MOCS1: variants seen among roughly 807,000 people sequenced by gnomAD.
MOCS1 encodes the protein molybdenum cofactor biosynthesis protein 1.
MOCS1 carries 39 observed loss-of-function variants against 57.6 expected under a neutral mutation model. The ratio of observed to expected loss-of-function variants is 0.68; its 90% CI spans 0.52 to 0.88. The LOEUF (loss-of-function observed/expected upper bound fraction) is 0.88, where lower values mean the gene tolerates loss of function less well. Among genes scored for constraint, MOCS1 ranks in the 40% least tolerant of loss-of-function variants. The pLI, the probability that MOCS1 is intolerant of heterozygous loss-of-function variation, is 0.00. For missense variants in MOCS1, 795 were observed against 831.1 expected (o/e 0.96, Z 0.53); for synonymous variants, 334 against 335.7 (o/e 1.00, Z 0.05).
At chr6:39,924,457 C>T (rs1461620778) in intron 3 of MOCS1, among the ~76,000 whole-genome samples, 1 of 152,212 alleles carries the variant, frequency 6.6e-6, no homozygotes, top group African/African-American at 2.4e-5. Flanking sequence ...TTAAAGAAAC[C>T]AAACACACAA....
rs1269993740 is a variant in MOCS1, at chr6:39,916,050, C to T, written c.583+18G>A. The T allele has an allele frequency of 6.3e-7, 1 of 1,590,748 alleles. No homozygotes were observed. The highest frequency in any genetic ancestry group is 1.8e-5 in the Admixed American group (1 of 57,090). ...GCAGGCCCTGGGAGGGACACCCACC[C>T]CATCCACATCCGCTCACCTTTCCTG... On this transcript the variant is annotated intron_variant, in intron 4 of 10. Coordinates refer to ENST00000340692, the MANE Select transcript of MOCS1 (RefSeq NM_001358530.2).
Position 39,904,576 on chromosome 6 carries a change from T to C in MOCS1, c.*1781A>G, listed in dbSNP as rs1766700665. On this transcript the variant is annotated 3_prime_UTR_variant, in exon 11 of 11. Transcript: ENST00000340692. ...TCTCAGCAGCATTTCTCCCCTGTGA[T>C]GGAAATAAAGTGTTTAGGGCAGTGG... The C allele has an allele frequency of 4.5e-6, 2 of 440,804 alleles. No homozygotes were observed. Among genetic ancestry groups the C allele is most frequent in the African/African-American group, 2.4e-5 (1 of 42,274 alleles). 27.3% of individuals were successfully genotyped at this position (440,804 alleles called of 1,614,324 possible).
intron 1 of MOCS1, among the ~76,000 whole-genome samples, chr6:39,931,696 C>T (rs923794556): frequency 2.0e-5 from 3 of 152,118 alleles, no homozygotes; most frequent in South Asian, 2.1e-4. Context: ...TGTACTCCTT[C>T]TACCTTCACC....
Position 39,913,893 on chromosome 6 carries a change from C to T in MOCS1, c.584-58G>A, listed in dbSNP as rs576534805. On this transcript the variant is annotated intron_variant, in intron 4 of 10. Coordinates refer to ENST00000340692, the MANE Select transcript of MOCS1 (RefSeq NM_001358530.2). ...TGTCCTCTCTCCTCTTCCCCCACAC[C>T]CCCACAGAAAAGCACCAGAGCCCAT... is the stretch of plus-strand genomic sequence containing the variant. 3.2e-6 allele frequency: 5 copies of T among 1,547,274 alleles called. No homozygotes were observed. In the South Asian group the frequency reaches 5.6e-5, roughly 17 times the overall value.
chr6:39,927,353 G>A lies in MOCS1; in HGVS notation c.226C>T (p.Leu76Phe), dbSNP rs763820136. ...CATCTGAGGTTGCACTTCTCTGTGA[G>A]GGAGATCCGCAGGTAGCTGTGCTGC... Reference protein sequence around the residue: ...GRQHSYLRISLTEKCNLRCQY... With the variant: ...GRQHSYLRISFTEKCNLRCQY... Residue 76 changes from leucine (L) to phenylalanine (F), a missense_variant, in exon 2 of 11, where the codon CTC becomes TTC. By Grantham distance (22) the Leu-to-Phe change is conservative (BLOSUM62 0). Around this residue, in one of 3 missense-constraint regions of MOCS1, gnomAD observed 416 missense variants for 392.4 expected, o/e 1.06. Transcript: ENST00000340692. The A allele has an allele frequency of 6.2e-7, 1 of 1,612,188 alleles. No homozygotes were observed. The highest frequency in any genetic ancestry group is 8.5e-7 in the Non-Finnish European group (1 of 1,179,526).
chr6:39,922,064 C>T (rs1019256509), intron 3 of MOCS1, among the ~76,000 whole-genome samples: 2 of 152,220 alleles, frequency 1.3e-5, no homozygotes, highest in Non-Finnish European at 2.9e-5. Flanking sequence ...GCAAACTCCT[C>T]CAACACTCTC....
intron 3 of MOCS1, among the ~76,000 whole-genome samples, chr6:39,925,122 G>A (rs1269510305): frequency 4.6e-5 from 7 of 152,296 alleles, no homozygotes; most frequent in Admixed American, 2.6e-4. Context: ...TTGCACGTTA[G>A]ACAAAAACAC....
chr6:39,908,897 C>G, intron 10 of MOCS1, 158 bp downstream of exon 10: 1 of 719,580 alleles, frequency 1.4e-6, no homozygotes, highest in Non-Finnish European at 2.5e-6. Flanking sequence ...AACAGTAAAA[C>G]CTTGAAGGTT....
intron 1 of MOCS1, chr6:39,927,824 G>A (rs1055865766): frequency 8.3e-7 from 1 of 1,201,036 alleles, no homozygotes; most frequent in Non-Finnish European, 1.1e-6. Context: ...GGGCATAAAT[G>A]AGAAGAGACT....
Position 39,934,458 on chromosome 6 carries a change from A to C in MOCS1, c.-41T>G, listed in dbSNP as rs936069541. ...CGGAACCGCAGCCCGCTTCGGGAGC[A>C]CACTGGCCGGGCACTCGCCCCCGGG... On this transcript the variant is annotated 5_prime_UTR_variant, in exon 1 of 11. Coordinates refer to ENST00000340692, the MANE Select transcript of MOCS1 (RefSeq NM_001358530.2). 36 of 1,553,430 alleles carry C rather than the reference A, an allele frequency of 2.3e-5. No homozygotes were observed. The highest frequency in any genetic ancestry group is 2.9e-5 in the Non-Finnish European group (33 of 1,156,740).
At chr6:39,926,375 A>G (rs1768302606) in intron 2 of MOCS1, among the ~76,000 whole-genome samples, 1 of 152,048 alleles carries the variant, frequency 6.6e-6, no homozygotes, top group African/African-American at 2.4e-5. Context: ...CCCATTTTAT[A>G]TGTTGGAAAA....
chr6:39,917,808 T>C (rs1767746806), intron 3 of MOCS1, among the ~76,000 whole-genome samples: 1 of 152,116 alleles, frequency 6.6e-6, no homozygotes, highest in South Asian at 2.1e-4. Flanking sequence ...TTAGGGCTCT[T>C]GAAAATTAAA....
rs1353798922 is a variant in MOCS1, at chr6:39,907,112, A to G, written c.1156T>C (p.Phe386Leu). The change falls in exon 11 of 11, where the codon TTT (phenylalanine) becomes CTT (leucine). Residue 386 changes from phenylalanine (F) to leucine (L), a missense_variant. Phe to Leu is a conservative substitution (Grantham distance 22). Coordinates refer to ENST00000340692, the MANE Select transcript of MOCS1 (RefSeq NM_001358530.2). ...KNRPMILIEL[F>L]LMFPNSPPAN... ...GGTGGGGAATTGGGGAACATCAAAA[A>G]TAACTCTGCAAGGCAAGAAGAAAAG... 6.2e-7 allele frequency: 1 copy of G among 1,610,786 alleles called. No homozygotes were observed. The highest frequency in any genetic ancestry group is 2.2e-5 in the East Asian group (1 of 44,814).
intron 3 of MOCS1, 145 bp from the exon 4 acceptor site, chr6:39,916,377 A>T (rs184332894): frequency 5.1e-6 from 5 of 981,050 alleles, no homozygotes; most frequent in Non-Finnish European, 7.4e-6. Context: ...GCCTAACTTA[A>T]AAAGAAAGCT....
intron 9 of MOCS1, 141 bp downstream of exon 9, chr6:39,909,694 G>T (rs1582805476): frequency 8.8e-7 from 1 of 1,141,350 alleles, no homozygotes; most frequent in Non-Finnish European, 1.3e-6. Context: ...CAACAGCAGT[G>T]AGTGGTAGTG....
chr6:39,929,939 CAAAAA>C (rs397948587), intron 1 of MOCS1, among the ~76,000 whole-genome samples: 2 of 96,738 alleles, frequency 2.1e-5, no homozygotes, highest in South Asian at 3.8e-4. Flanking sequence ...GAGATTCTCT[CAAAAA>C]AAAAAAAAAA....
chr6:39,933,460 A>G (rs1768744235), intron 1 of MOCS1, among the ~76,000 whole-genome samples: 1 of 152,074 alleles, frequency 6.6e-6, no homozygotes. Flanking sequence ...GGGAGGAGGG[A>G]GCAGTGATCT....
intron 4 of MOCS1, among the ~76,000 whole-genome samples, chr6:39,914,738 A>T (rs961772406): frequency 6.6e-6 from 1 of 152,212 alleles, no homozygotes; most frequent in Non-Finnish European, 1.5e-5. Flanking sequence ...TTTGAAAAAA[A>T]TAATGCTGCT....
intron 8 of MOCS1, among the ~76,000 whole-genome samples, chr6:39,911,218 T>C (rs1265693154): frequency 1.3e-5 from 2 of 152,140 alleles, no homozygotes; most frequent in Non-Finnish European, 2.9e-5. Context: ...CAATTCCGTA[T>C]CTCCAGCCCA....
Sources: gnomAD v4.1 joint callset for allele counts (sites outside exome capture counted in the v4.1 genomes callset) on GRCh38, gnomAD v4.1.1 for gene constraint, gnomAD v4.1.1 regional missense constraint, MANE v1.5 for transcripts, NCBI Gene and HGNC (gene_info 2026-07-23, HGNC 2026-07-21) for gene names.